Variants in S100B observed in about 807,000 individuals in gnomAD.
The protein encoded by S100B is protein S100-B.
S100B carries 6 observed loss-of-function variants against 7.7 expected under a neutral mutation model. That is an observed-to-expected ratio of 0.78 (90% CI 0.43 to 1.54). S100B has a LOEUF of 1.54. S100B is among the 40% of genes most tolerant of loss of function. The pLI is 0.01. For missense variants in S100B, 99 were observed against 111.8 expected, an observed-to-expected ratio of 0.89 and a Z score of 0.52; for synonymous variants, 36 against 40.4, an observed-to-expected ratio of 0.89 and a Z score of 0.41.
Position 46,602,258 on chromosome 21 carries a change from G to A in S100B, c.138+20C>T, listed in dbSNP as rs748549510. The A allele has an allele frequency of 1.9e-6, 3 of 1,606,620 alleles. No homozygotes were observed. In the Admixed American group the frequency reaches 5.1e-5, roughly 27 times the overall value. On this transcript the variant is annotated intron_variant, in intron 2 of 2. Transcript: ENST00000291700. The stretch of plus-strand genomic sequence containing the variant: ...TAAGAGGAGATGGAGAAAGTGTCAA[G>A]TTTAAAAAGCAAGACTCACCTCTAA...
Position 46,599,215 on chromosome 21 carries a change from T to A in S100B, c.*148A>T, listed in dbSNP as rs758541546. On this transcript the variant is annotated 3_prime_UTR_variant, in exon 3 of 3. Coordinates refer to ENST00000291700, the MANE Select transcript of S100B (RefSeq NM_006272.3). ...TAAAACAGCCTTTGGAAAGAGGTTT[T>A]CAATTTTTCAATCACAAAGCAAATC... 1 of 745,356 alleles carries A rather than the reference T, an allele frequency of 1.3e-6. No homozygotes were observed. The allele number at this position is 745,356 out of a possible 1,614,324, so 46.2% of individuals were successfully genotyped here. A position where few individuals can be genotyped will look rare whatever the true frequency, so the allele number is the denominator to read the frequency against.
chr21:46,601,388 C>G (rs1215685931), intron 2 of S100B, among the ~76,000 whole-genome samples: 1 of 152,194 alleles, frequency 6.6e-6, no homozygotes, highest in Non-Finnish European at 1.5e-5. Flanking sequence ...GTGCTTCACT[C>G]TGGCTCAAGG....
chr21:46,599,033 G>C lies in S100B; in HGVS notation c.*330C>G. ...TGCCCCGGGGTAATTTCTGTAGTCA[G>C]GGTTCCCTCCGGGTTAGGGTCTACA... On this transcript the variant is annotated 3_prime_UTR_variant, in exon 3 of 3. Transcript: ENST00000291700. 1 of 273,702 alleles carries C rather than the reference G, an allele frequency of 3.7e-6. No individual in the cohort carries two copies. Among genetic ancestry groups the C allele is most frequent in the Non-Finnish European group, 6.7e-6 (1 of 148,780 alleles). 17.0% of individuals were successfully genotyped at this position (273,702 alleles called of 1,614,324 possible).
intron 1 of S100B, chr21:46,602,723 AG>A: frequency 3.9e-6 from 1 of 257,024 alleles, no homozygotes; most frequent in Admixed American, 5.0e-5. Flanking sequence ...GCAAAAATAC[AG>A]AGGCAGAGCA....
intron 1 of S100B, among the ~76,000 whole-genome samples, chr21:46,604,326 C>G (rs1392885982): frequency 6.6e-6 from 1 of 152,144 alleles, no homozygotes; most frequent in Non-Finnish European, 1.5e-5. Context: ...ATATTGAGAA[C>G]AAGAGAACTT....
chr21:46,603,894 C>A (rs2061050196), intron 1 of S100B, among the ~76,000 whole-genome samples: 1 of 152,134 alleles, frequency 6.6e-6, no homozygotes, highest in Non-Finnish European at 1.5e-5. Flanking sequence ...GGATTAAAAT[C>A]TTTAACATTT....
In S100B at chr21:46,602,345, T is replaced by A; in HGVS notation, c.71A>T (p.Asp24Val). 1 of 1,613,976 alleles carries A rather than the reference T, an allele frequency of 6.2e-7. No homozygotes were observed. Among genetic ancestry groups the A allele is most frequent in the African/African-American group, 1.3e-5 (1 of 75,026 alleles). ...TTCGGATTTCTTCAGCTTGTGCTTGTCTCCCTCCCTTCCAGAATATTGGTG... is the reference window on the plus strand; with the variant it reads ...TTCGGATTTCTTCAGCTTGTGCTTGACTCCCTCCCTTCCAGAATATTGGTG... ...VFHQYSGREG[D>V]KHKLKKSELK... Residue 24 changes from aspartate to valine, a missense_variant, in exon 2 of 3, where the codon GAC (aspartate) becomes GTC (valine). Asp to Val is a radical substitution (Grantham distance 152, BLOSUM62 -3). Coordinates refer to ENST00000291700, the MANE Select transcript of S100B (RefSeq NM_006272.3).
chr21:46,602,487 A>G lies in S100B; in HGVS notation c.-1-71T>C. 5 of 1,468,632 alleles carry G rather than the reference A, an allele frequency of 3.4e-6. No homozygotes were observed. In the South Asian group the frequency reaches 5.1e-5, roughly 15 times the overall value. The allele number at this position is 1,468,632 out of a possible 1,614,324, so 91.0% of individuals were successfully genotyped here. A position where few individuals can be genotyped will look rare whatever the true frequency, so the allele number is the denominator to read the frequency against. On this transcript the variant is annotated intron_variant, in intron 1 of 2. Transcript: ENST00000291700. ...CTAAAACATTTCATATGTTATCAAT[A>G]CAGACCTCAACCCAGACAAGGGGGA...
At chr21:46,604,549 C>T (rs1462281748) in intron 1 of S100B, among the ~76,000 whole-genome samples, 1 of 152,128 alleles carries the variant, frequency 6.6e-6, no homozygotes, top group Non-Finnish European at 1.5e-5. Flanking sequence ...CTGAGGGAAA[C>T]TGGAAAACTG....
intron 2 of S100B, among the ~76,000 whole-genome samples, chr21:46,601,684 A>G (rs1267624370): frequency 6.6e-6 from 1 of 152,212 alleles, no homozygotes; most frequent in Non-Finnish European, 1.5e-5. Context: ...CCGTTACTCC[A>G]CAGAGCCTCC....
chr21:46,599,459 C>G lies in S100B; in HGVS notation c.183G>C (p.Leu61=). The change falls in exon 3 of 3, where the codon CTG becomes CTC. Residue 61 remains leucine (L), a synonymous_variant. Coordinates refer to ENST00000291700, the MANE Select transcript of S100B (RefSeq NM_006272.3). Reference sequence around the variant, plus strand: ...CACATTCGCCGTCTCCATCATTGTCCAGTGTTTCCATGACTTTGTCCACAA... The same window carrying G: ...CACATTCGCCGTCTCCATCATTGTCGAGTGTTTCCATGACTTTGTCCACAA... ...QEVVDKVMET[L]DNDGDGECDF... 6.2e-7 allele frequency: 1 copy of G among 1,613,982 alleles called. No homozygotes were observed. The highest frequency in any genetic ancestry group is 8.5e-7 in the Non-Finnish European group (1 of 1,179,832).
At chr21:46,604,616 T>A (rs970968077) in intron 1 of S100B, among the ~76,000 whole-genome samples, 4 of 152,218 alleles carry the variant, frequency 2.6e-5, no homozygotes, top group Non-Finnish European at 5.9e-5. Flanking sequence ...GAAGCATTTA[T>A]TTATGATATA....
At chr21:46,600,460 G>A (rs560043131) in intron 2 of S100B, 28 of 377,152 alleles carry the variant, frequency 7.4e-5, no homozygotes, top group South Asian at 2.9e-4. Flanking sequence ...GCGGAGGATC[G>A]CTTGAGCCTG....
intron 2 of S100B, 98 bp from the exon 3 acceptor site, chr21:46,599,601 C>T (rs902298099): frequency 2.0e-5 from 21 of 1,064,664 alleles, no homozygotes; most frequent in Middle Eastern, 2.6e-4. Flanking sequence ...AATTTGTGTC[C>T]GAAATAACCT....
chr21:46,603,392 A>AGGGGGTGGGGGGAGGGGGGGGGCGGGG (rs796474856), intron 1 of S100B, among the ~76,000 whole-genome samples: 2 of 38,206 alleles, frequency 5.2e-5, no homozygotes, highest in Non-Finnish European at 9.8e-5. Flanking sequence ...GGACGGCGGG[A>AGGGGGTGGGGGGAGGGGGGGGGCGGGG]GGGGGTGGGG....
In S100B at chr21:46,598,721, C is replaced by G. The variant is rs2061032852; in HGVS notation, c.*642G>C. 6.6e-6 allele frequency among the ~76,000 whole-genome samples: 1 copy of G among 152,238 alleles called. No homozygotes were observed. Among genetic ancestry groups the G allele is most frequent in the Admixed American group, 6.5e-5 (1 of 15,294 alleles). ...GTTGGAGGCAAGGATCCTGCAGCCG[C>G]GACTTGAATCGCATGGGTCACGGAG... On this transcript the variant is annotated 3_prime_UTR_variant, in exon 3 of 3. Transcript: ENST00000291700.
At chr21:46,603,079 C>T (rs370940944) in intron 1 of S100B, among the ~76,000 whole-genome samples, 1 of 151,840 alleles carries the variant, frequency 6.6e-6, no homozygotes, top group Non-Finnish European at 1.5e-5. Context: ...CCTTTAAATT[C>T]ATATGTAAAT....
intron 2 of S100B, among the ~76,000 whole-genome samples, chr21:46,599,981 T>C (rs933943420): frequency 4.6e-5 from 7 of 152,242 alleles, no homozygotes; most frequent in Non-Finnish European, 1.0e-4. Context: ...AACCCTGTAT[T>C]CTTTTTCCCA....
In S100B at chr21:46,599,403, A is replaced by G; in HGVS notation, c.239T>C (p.Met80Thr). The G allele has an allele frequency of 6.2e-7, 1 of 1,614,108 alleles. No homozygotes were observed. The highest frequency in any genetic ancestry group is 8.5e-7 in the Non-Finnish European group (1 of 1,179,958). Reference protein sequence around the residue: ...DFQEFMAFVAMVTTACHEFFE... With the variant: ...DFQEFMAFVATVTTACHEFFE... Reference sequence around the variant, plus strand: ...GAACTCGTGGCAGGCAGTAGTAACCATGGCAACAAAGGCCATGAATTCCTG... The same window carrying G: ...GAACTCGTGGCAGGCAGTAGTAACCGTGGCAACAAAGGCCATGAATTCCTG... The change falls in exon 3 of 3, where the codon ATG becomes ACG. Residue 80 changes from methionine to threonine, a missense_variant. Physicochemically the swap from Met to Thr is moderately conservative, Grantham distance 81. Coordinates refer to ENST00000291700, the MANE Select transcript of S100B (RefSeq NM_006272.3).
Sources: gnomAD v4.1 joint callset for allele counts (sites outside exome capture counted in the v4.1 genomes callset) on GRCh38, gnomAD v4.1.1 for gene constraint, MANE v1.5 for transcripts, NCBI Gene and HGNC (gene_info 2026-07-23, HGNC 2026-07-21) for gene names.